Variants in HSPBP1 observed in about 807,000 individuals in gnomAD.
The protein encoded by HSPBP1 is hsp70-binding protein 1.
A neutral mutation model predicts 41.7 loss-of-function variants in HSPBP1; 31 were observed. The ratio of observed to expected loss-of-function variants is 0.74; its 90% confidence interval spans 0.56 to 1.00. The LOEUF (loss-of-function observed/expected upper bound fraction) is 1.00. HSPBP1 is among the 50% of genes least tolerant of loss of function. The pLI, the probability that HSPBP1 is intolerant of heterozygous loss-of-function variation, is 0.00. For missense variants in HSPBP1, 439 were observed against 487.9 expected, an observed-to-expected ratio of 0.90 and a Z score of 0.94; for synonymous variants, 199 against 214.4, an observed-to-expected ratio of 0.93 and a Z score of 0.63.
intron 3 of HSPBP1, 134 bp downstream of exon 3, chr19:55,277,508 T>C: frequency 1.1e-6 from 1 of 881,608 alleles, no homozygotes; most frequent in Admixed American, 2.1e-5. Context: ...CTTATGGCAA[T>C]GGAGGCGAAC....
intron 7 of HSPBP1, among the ~76,000 whole-genome samples, chr19:55,263,102 T>C (rs1260907141): frequency 6.6e-6 from 1 of 152,208 alleles, no homozygotes; most frequent in Non-Finnish European, 1.5e-5. Context: ...GAAAAATATT[T>C]GTGATTCATA....
intron 4 of HSPBP1, among the ~76,000 whole-genome samples, chr19:55,271,327 C>A (rs1308816264): frequency 6.6e-6 from 1 of 152,120 alleles, no homozygotes; most frequent in Non-Finnish European, 1.5e-5. Context: ...CCTCCCTCCT[C>A]AGCCTCCCAG....
rs1458998477 is a variant in HSPBP1, at chr19:55,270,758, C to T, written c.640+3640G>A. 2.6e-5 allele frequency among the ~76,000 whole-genome samples: 4 copies of T among 151,384 alleles called. No individual in the cohort carries two copies. The highest frequency in any genetic ancestry group is 7.3e-5 in the African/African-American group (3 of 41,148). On this transcript the variant is annotated intron_variant, in intron 4 of 7. Transcript: ENST00000433386. This position sits in a 1 kb window ranked among gnomAD's most constrained non-coding sequence, Gnocchi z 5.4. ...ACACCACATCCACACATCCCACACACGCCATGCACATCCACACACCACACA... is the reference window on the plus strand; with the variant it reads ...ACACCACATCCACACATCCCACACATGCCATGCACATCCACACACCACACA...
chr19:55,265,663 G>A (rs1181965451), intron 6 of HSPBP1, among the ~76,000 whole-genome samples: 2 of 152,020 alleles, frequency 1.3e-5, no homozygotes, highest in East Asian at 3.9e-4. Context: ...CACTGGTGGG[G>A]GCGTGTACAG....
intron 7 of HSPBP1, among the ~76,000 whole-genome samples, chr19:55,263,087 T>C (rs532172797): frequency 1.3e-5 from 2 of 151,720 alleles, no homozygotes; most frequent in Non-Finnish European, 2.9e-5. Context: ...GAAAACGAGG[T>C]TGGAGAAAAA....
rs371711153 is a variant in HSPBP1 at position 55,272,579 on chromosome 19, G to T, written c.640+1819C>A. Reference sequence around the variant, plus strand: ...ATTTTGGCCGGGCGCAGTGGCTCACGCCTGTAATCCCAACACTTTGGGAGG... The same window carrying T: ...ATTTTGGCCGGGCGCAGTGGCTCACTCCTGTAATCCCAACACTTTGGGAGG... On this transcript the variant is annotated intron_variant, in intron 4 of 7. Coordinates refer to ENST00000433386, the MANE Select transcript of HSPBP1 (RefSeq NM_012267.5). This position sits in a 1 kb window ranked among gnomAD's most constrained non-coding sequence, Gnocchi z 4.2. 3.3e-5 allele frequency among the ~76,000 whole-genome samples: 5 copies of T among 152,272 alleles called. No individual in the cohort carries two copies. In the East Asian group the frequency reaches 9.7e-4, roughly 29 times the overall value.
At chr19:55,265,441 G>A in intron 6 of HSPBP1, 52 bp from the exon 7 acceptor site, 1 of 1,426,058 alleles carries the variant, frequency 7.0e-7, no homozygotes, top group Non-Finnish European at 9.9e-7. Flanking sequence ...AGGCCTCACT[G>A]ACCCAACCCT....
At position 55,279,530 on chromosome 19, in the gene HSPBP1, C is replaced by CGCCGCCGCT. The variant is rs763899617; in HGVS notation, c.78_79insAGCGGCGGC (p.Ser24_Gly26dup). ...CCCCCAGCCGAGGAGCCGCCGCCGCCGCCCCCTGAAGAGCAACCCTGGGAG... is the reference window on the plus strand; with the variant it reads ...CCCCCAGCCGAGGAGCCGCCGCCGCCGCCGCCGCTGCCCCCTGAAGAGCAACCCTGGGAG... On this transcript the variant is annotated inframe_insertion, in exon 2 of 8. Coordinates refer to ENST00000433386, the MANE Select transcript of HSPBP1 (RefSeq NM_012267.5). 8.7e-6 allele frequency: 14 copies of CGCCGCCGCT among 1,610,094 alleles called. No homozygotes were observed. In the East Asian group the frequency reaches 2.9e-4, roughly 33 times the overall value.
rs1384259758 is a variant in HSPBP1 at position 55,272,178 on chromosome 19, T to A, written c.640+2220A>T. ...CACCCAAGAGAACGGAAAACAAATGTCCATAAAAACACCTGCGCAGCTATG... is the reference window on the plus strand; with the variant it reads ...CACCCAAGAGAACGGAAAACAAATGACCATAAAAACACCTGCGCAGCTATG... On this transcript the variant is annotated intron_variant, in intron 4 of 7. Coordinates refer to ENST00000433386, the MANE Select transcript of HSPBP1 (RefSeq NM_012267.5). The surrounding 1 kb of genome is among the most constrained non-coding windows in gnomAD (Gnocchi z 4.2). 6.6e-6 allele frequency among the ~76,000 whole-genome samples: 1 copy of A among 151,658 alleles called. No individual in the cohort carries two copies. Among genetic ancestry groups the A allele is most frequent in the Non-Finnish European group, 1.5e-5 (1 of 67,974 alleles).
In HSPBP1 at chr19:55,272,797, C is replaced by G. The variant is rs1310050589; in HGVS notation, c.640+1601G>C. On this transcript the variant is annotated intron_variant, in intron 4 of 7. Transcript: ENST00000433386. This position sits in a 1 kb window ranked among gnomAD's most constrained non-coding sequence, Gnocchi z 4.2. ...AGGTTGTAGTGAGCCGAGATCGCGC[C>G]ATTGCGCTCCAGCCTGGGTGACAAG... 6.6e-6 allele frequency among the ~76,000 whole-genome samples: 1 copy of G among 151,158 alleles called. No homozygotes were observed. The highest frequency in any genetic ancestry group is 1.5e-5 in the Non-Finnish European group (1 of 67,872).
At position 55,277,737 on chromosome 19, in the gene HSPBP1, G is replaced by A. The variant is rs1288692868; in HGVS notation, c.320C>T (p.Thr107Ile). The part of the protein sequence containing the change: ...LRVLSQPMPP[T>I]AGEAEQAADQ... ...GGCCGCCTGCTCGGCCTCCCCAGCA[G>A]TGGGGGGCATGGGCTGTGACAGCAC... Residue 107 changes from threonine to isoleucine, a missense_variant, in exon 3 of 8, where the codon ACT (threonine) becomes ATT (isoleucine). By Grantham distance (89) the Thr-to-Ile change is moderately conservative. Coordinates refer to ENST00000433386, the MANE Select transcript of HSPBP1 (RefSeq NM_012267.5). 6.2e-7 allele frequency: 1 copy of A among 1,608,514 alleles called. No individual in the cohort carries two copies. Among genetic ancestry groups the A allele is most frequent in the African/African-American group, 1.3e-5 (1 of 74,998 alleles).
rs766096251 is a variant in HSPBP1 at position 55,262,306 on chromosome 19, T to A, written c.*302A>T. The A allele has an allele frequency of 8.6e-6, 10 of 1,167,012 alleles. No homozygotes were observed. The highest frequency in any genetic ancestry group is 3.6e-4 in the Middle Eastern group (1 of 2,802). The allele number at this position is 1,167,012 out of a possible 1,614,324, so 72.3% of individuals were successfully genotyped here. A position where few individuals can be genotyped will look rare whatever the true frequency, so the allele number is the denominator to read the frequency against. ...CCCGTGCCCCTCCTCCCGTCCCCCA[T>A]GCACCCTCCAAAGGAGATGACAAAG... On this transcript the variant is annotated 3_prime_UTR_variant, in exon 8 of 8. Transcript: ENST00000433386.
intron 2 of HSPBP1, among the ~76,000 whole-genome samples, chr19:55,278,588 C>G (rs983702703): frequency 1.3e-5 from 2 of 152,098 alleles, no homozygotes; most frequent in Non-Finnish European, 2.9e-5. Flanking sequence ...CAAGGTCACA[C>G]AGTCAGCAAT....
At chr19:55,279,916 C>A in intron 1 of HSPBP1, 119 bp downstream of exon 1, 2 of 498,122 alleles carry the variant, frequency 4.0e-6, no homozygotes, top group Admixed American at 3.4e-5. Context: ...GCGTGCGTCC[C>A]GTCTCTTAGC....
rs1388663690 is a variant in HSPBP1 at position 55,279,548 on chromosome 19, C to T, written c.61G>A (p.Gly21Ser). ...LPLALPPASQGCSSGGGGGGS... is the reference protein window; with the variant it reads ...LPLALPPASQSCSSGGGGGGS... ...CCGCCGCCGCCCCCTGAAGAGCAAC[C>T]CTGGGAGGCCGGGGGCAGCGCCAGG... Residue 21 changes from glycine to serine, a missense_variant, in exon 2 of 8, where the codon GGT (glycine) becomes AGT (serine). Gly to Ser is a moderately conservative substitution (Grantham distance 56). Coordinates refer to ENST00000433386, the MANE Select transcript of HSPBP1 (RefSeq NM_012267.5). The T allele has an allele frequency of 3.9e-6, 6 of 1,557,618 alleles. No individual in the cohort carries two copies. Among genetic ancestry groups the T allele is most frequent in the Admixed American group, 3.6e-5 (2 of 55,334 alleles).
intron 3 of HSPBP1, 95 bp downstream of exon 3, chr19:55,277,547 G>A: frequency 6.3e-6 from 8 of 1,269,774 alleles, no homozygotes; most frequent in South Asian, 1.3e-5. Context: ...CAGCAGGGAG[G>A]CTGACGGTGT....
intron 5 of HSPBP1, 36 bp from the exon 6 acceptor site, chr19:55,266,018 C>T: frequency 6.4e-7 from 1 of 1,572,934 alleles, no homozygotes; most frequent in Middle Eastern, 2.0e-4. Flanking sequence ...AGGGGCAGCC[C>T]CACCCATCTC....
At chr19:55,275,085 C>A (rs1003351749) in intron 3 of HSPBP1, among the ~76,000 whole-genome samples, 1 of 152,214 alleles carries the variant, frequency 6.6e-6, no homozygotes, top group Admixed American at 6.5e-5. Context: ...CACAGGGACG[C>A]AGCTCTCTCC....
chr19:55,271,017 C>T (rs1343724353), intron 4 of HSPBP1, among the ~76,000 whole-genome samples: 8 of 151,598 alleles, frequency 5.3e-5, no homozygotes, highest in African/African-American at 1.7e-4. Flanking sequence ...ACCCACTACA[C>T]ACACACATCA....
Sources: gnomAD v4.1 joint callset for allele counts (sites outside exome capture counted in the v4.1 genomes callset) on GRCh38, gnomAD v4.1.1 for gene constraint, Gnocchi (gnomAD v3.1) non-coding constraint, MANE v1.5 for transcripts, NCBI Gene and HGNC (gene_info 2026-07-23, HGNC 2026-07-21) for gene names.